NAA20: variants seen among roughly 807,000 people sequenced by gnomAD.
NAA20 encodes N-alpha-acetyltransferase 20.
Under a neutral mutation model 23.8 loss-of-function variants are expected in NAA20, and 24 were observed. The ratio of observed to expected loss-of-function variants is 1.01; its 90% CI spans 0.73 to 1.42. The LOEUF (loss-of-function observed/expected upper bound fraction) is 1.42, where lower values mean the gene tolerates loss of function less well. Among genes scored for constraint, NAA20 ranks in the 40% most tolerant of loss-of-function variants. NAA20 has a pLI of 0.00. For synonymous variants in NAA20, 83 were observed against 77.7 expected, an observed-to-expected ratio of 1.07 and a Z score of -0.36; for missense variants, 166 against 223.1, an observed-to-expected ratio of 0.74 and a Z score of 1.63.
In NAA20 at chr20:20,026,945, T is replaced by G. The variant is rs373841522; in HGVS notation, c.305+26T>G. The G allele has an allele frequency of 2.0e-5, 33 of 1,613,786 alleles. No homozygotes were observed. The African/African-American group carries it at 3.2e-4, about 16-fold the overall frequency. Reference sequence around the variant, plus strand: ...GTGAGATTCAGTTTTTCAAATACACTTAGTGATTTGTGGACCCCTAACCAT... The same window carrying G: ...GTGAGATTCAGTTTTTCAAATACACGTAGTGATTTGTGGACCCCTAACCAT... On this transcript the variant is annotated intron_variant, in intron 4 of 5. Coordinates refer to ENST00000334982, the MANE Select transcript of NAA20 (RefSeq NM_016100.5).
intron 1 of NAA20, 176 bp downstream of exon 1, chr20:20,017,625 G>C (rs2043240389): frequency 1.5e-6 from 2 of 1,304,434 alleles, no homozygotes; most frequent in East Asian, 5.3e-5. Context: ...GGTCCAGGGA[G>C]AGGTGGGCCT....
At chr20:20,022,534 GA>G in intron 2 of NAA20, 54 bp downstream of exon 2, 1 of 1,445,930 alleles carries the variant, frequency 6.9e-7, no homozygotes, top group Middle Eastern at 2.3e-4. Context: ...TGAGAATAAA[GA>G]AAACAGAAAT....
upstream of NAA20, chr20:20,017,324 C>T (rs946991736): frequency 1.1e-5 from 17 of 1,592,044 alleles, no homozygotes; most frequent in Middle Eastern, 3.4e-4. Flanking sequence ...CCGCGGCGGC[C>T]ACGCTCCGGG....
intron 3 of NAA20, among the ~76,000 whole-genome samples, chr20:20,025,990 C>G (rs1286137564): frequency 7.0e-6 from 1 of 143,838 alleles, no homozygotes; most frequent in Non-Finnish European, 1.5e-5. Flanking sequence ...TTAAATCTTT[C>G]ATTCTAAAAA....
Position 20,017,374 on chromosome 20 carries a change from T to C in NAA20, c.-23T>C. 6.2e-7 allele frequency: 1 copy of C among 1,610,948 alleles called. No homozygotes were observed. On this transcript the variant is annotated 5_prime_UTR_variant, in exon 1 of 6. Transcript: ENST00000334982. ...GCGGGCGCGGGGTCTTGGCGAACGG[T>C]CTTCGGAAGCGGCGGCGGCGCGATG...
At chr20:20,022,107 G>A (rs536672825) in intron 1 of NAA20, among the ~76,000 whole-genome samples, 23 of 152,276 alleles carry the variant, frequency 1.5e-4, no homozygotes, top group East Asian at 9.6e-4. Context: ...TGCAGCGGGC[G>A]AGTTTGACCT....
At chr20:20,028,686 T>G (rs563104054) in intron 4 of NAA20, among the ~76,000 whole-genome samples, 20 of 152,264 alleles carry the variant, frequency 1.3e-4, no homozygotes, top group African/African-American at 4.8e-4. Context: ...TACACATACA[T>G]GATACATATA....
At chr20:20,027,123 G>A (rs2043311889) in intron 4 of NAA20, among the ~76,000 whole-genome samples, 2 of 152,274 alleles carry the variant, frequency 1.3e-5, no homozygotes, top group South Asian at 4.1e-4. Flanking sequence ...AAGTGTTGTA[G>A]TGACCCGCTA....
At chr20:20,019,015 A>T in intron 1 of NAA20, 1 of 809,248 alleles carries the variant, frequency 1.2e-6, no homozygotes, top group Non-Finnish European at 1.5e-6. Context: ...GTCTTAACCC[A>T]CCTGGAGCCT....
intron 4 of NAA20, among the ~76,000 whole-genome samples, chr20:20,028,978 G>A (rs1013177260): frequency 2.0e-5 from 3 of 152,068 alleles, no homozygotes; most frequent in African/African-American, 7.2e-5. Context: ...TGCTCAGGCT[G>A]GAGTGCAGTG....
intron 2 of NAA20, among the ~76,000 whole-genome samples, chr20:20,024,842 A>G (rs1434969339): frequency 6.6e-6 from 1 of 152,238 alleles, no homozygotes; most frequent in Non-Finnish European, 1.5e-5. Flanking sequence ...GATTTTGAAG[A>G]ATTTCGCACG....
chr20:20,018,207 A>ATT (rs11478281), intron 1 of NAA20: 56 of 634,146 alleles, frequency 8.8e-5, no homozygotes, highest in East Asian at 6.2e-4. Flanking sequence ...GCAGGTACCA[A>ATT]TTTTTTTTTT....
chr20:20,026,534 TGTGTTTTA>T (rs1416106729), intron 3 of NAA20, among the ~76,000 whole-genome samples: 1 of 152,070 alleles, frequency 6.6e-6, no homozygotes, highest in African/African-American at 2.4e-5. Flanking sequence ...CAAAATTAGT[TGTGTTTTA>T]AGTATATCGT....
At position 20,033,241 on chromosome 20, in the gene NAA20, T is replaced by C; in HGVS notation, c.*54T>C. ...TCTAGATGCTTTATGGACAATATTA[T>C]TTTCATTGGATGATTCTGGAGCTCT... On this transcript the variant is annotated 3_prime_UTR_variant, in exon 6 of 6. Coordinates refer to ENST00000334982, the MANE Select transcript of NAA20 (RefSeq NM_016100.5). The C allele has an allele frequency of 7.2e-7, 1 of 1,388,962 alleles. No homozygotes were observed. Among genetic ancestry groups the C allele is most frequent in the Non-Finnish European group, 1.0e-6 (1 of 983,924 alleles). The allele number at this position is 1,388,962 out of a possible 1,614,324, so 86.0% of individuals were successfully genotyped here.
intron 3 of NAA20, 42 bp downstream of exon 3, chr20:20,025,809 T>C (rs1251627744): frequency 1.6e-6 from 2 of 1,284,068 alleles, no homozygotes; most frequent in Admixed American, 3.4e-5. Flanking sequence ...TAGGTAAAGA[T>C]TTTAATATAG....
Position 20,025,775 on chromosome 20 carries a change from T to C in NAA20, c.169+8T>C, listed in dbSNP as rs894282835. 5 of 1,527,546 alleles carry C rather than the reference T, an allele frequency of 3.3e-6. No individual in the cohort carries two copies. The highest frequency in any genetic ancestry group is 3.6e-6 in the Non-Finnish European group (4 of 1,101,240). The allele number at this position is 1,527,546 out of a possible 1,614,324, so 94.6% of individuals were successfully genotyped here. On this transcript the variant is annotated splice_region_variant and intron_variant, in intron 3 of 5. Coordinates refer to ENST00000334982, the MANE Select transcript of NAA20 (RefSeq NM_016100.5). ...GAGAATTAATGGGTTATAGTAAGTA[T>C]AATACCACTAGTATTTTGTGGAGTA...
intron 4 of NAA20, among the ~76,000 whole-genome samples, chr20:20,030,023 A>C (rs891008324): frequency 3.9e-5 from 6 of 152,208 alleles, no homozygotes; most frequent in African/African-American, 1.4e-4. Flanking sequence ...TTCACGAAGA[A>C]AGCTGTGGCT....
In NAA20 at chr20:20,032,559, A is replaced by G; in HGVS notation, c.357A>G (p.Ala119=). The change falls in exon 5 of 6, where the codon GCA becomes GCG. Residue 119 remains alanine (A), a synonymous_variant. Coordinates refer to ENST00000334982, the MANE Select transcript of NAA20 (RefSeq NM_016100.5). ...DLFVRVSNQV[A]VNMYKQLGYS... The stretch of plus-strand genomic sequence containing the variant: ...TTGTAAGAGTATCTAACCAAGTTGC[A>G]GTTAACATGTACAAGCAGTTGGGCT... The G allele has an allele frequency of 6.2e-7, 1 of 1,613,654 alleles. No homozygotes were observed. The highest frequency in any genetic ancestry group is 1.1e-5 in the South Asian group (1 of 91,022).
intron 4 of NAA20, 39 bp downstream of exon 4, chr20:20,026,958 G>A (rs1235822833): frequency 6.2e-7 from 1 of 1,613,022 alleles, no homozygotes; most frequent in African/African-American, 1.3e-5. Flanking sequence ...GTGATTTGTG[G>A]ACCCCTAACC....
Sources: allele counts gnomAD v4.1 joint callset (sites outside exome capture counted in the v4.1 genomes callset), GRCh38; gene constraint gnomAD v4.1.1; transcripts MANE v1.5; gene names NCBI Gene and HGNC (gene_info 2026-07-23, HGNC 2026-07-21).